RABGAP1L: variants seen among roughly 807,000 people sequenced by gnomAD.
The protein encoded by RABGAP1L is rab GTPase-activating protein 1-like.
In RABGAP1L, 63 loss-of-function variants were observed where a neutral mutation model predicts 137.7. The ratio of observed to expected loss-of-function variants is 0.46; its 90% confidence interval spans 0.37 to 0.56. The LOEUF (loss-of-function observed/expected upper bound fraction) is 0.56. RABGAP1L is among the 20% of genes least tolerant of loss of function. The pLI is 0.00. For synonymous variants in RABGAP1L, 431 were observed against 433.7 expected, an observed-to-expected ratio of 0.99 and a Z score of 0.08; for missense variants, 1,095 against 1,244.0, an observed-to-expected ratio of 0.88 and a Z score of 1.80.
At chr1:174,863,729 C>G (rs1219822589) in intron 19 of RABGAP1L, among the ~76,000 whole-genome samples, 8 of 151,436 alleles carry the variant, frequency 5.3e-5, no homozygotes, top group Admixed American at 2.0e-4. Flanking sequence ...CACCTGTAAT[C>G]CCAGCACTTT....
intron 19 of RABGAP1L, among the ~76,000 whole-genome samples, chr1:174,888,715 C>T (rs1655597218): frequency 6.6e-6 from 1 of 152,060 alleles, no homozygotes. Flanking sequence ...CCAGACTGGT[C>T]TCAAACTCCT....
Position 174,988,812 on chromosome 1 carries a change from T to G in RABGAP1L, c.2977T>G (p.Leu993Val). 1 of 1,539,846 alleles carries G rather than the reference T, an allele frequency of 6.5e-7. No individual in the cohort carries two copies. The highest frequency in any genetic ancestry group is 8.7e-7 in the Non-Finnish European group (1 of 1,143,688). Residue 993 changes from leucine to valine, a missense_variant, in exon 25 of 26, where the codon TTG becomes GTG. Physicochemically the swap from Leu to Val is conservative, Grantham distance 32. This residue lies in a region of RABGAP1L where 312 missense variants were observed against 435.6 expected (regional missense o/e 0.72). Coordinates refer to ENST00000681986, the MANE Select transcript of RABGAP1L (RefSeq NM_001366446.1). Reference sequence around the variant, plus strand: ...GGAACTGGCACAAACCAAACTGCAGTTGGTGGAGGCCAAGTGTAAAATTCA... The same window carrying G: ...GGAACTGGCACAAACCAAACTGCAGGTGGTGGAGGCCAAGTGTAAAATTCA... ...ELELAQTKLQ[L>V]VEAKCKIQEL...
At chr1:174,316,523 C>A (rs1679390316) in intron 11 of RABGAP1L, among the ~76,000 whole-genome samples, 2 of 152,180 alleles carry the variant, frequency 1.3e-5, no homozygotes, top group Admixed American at 1.3e-4. Flanking sequence ...TGGATAAGAT[C>A]TGGGAGAATT....
At chr1:174,616,678 G>T (rs1189030127) in intron 13 of RABGAP1L, among the ~76,000 whole-genome samples, 1 of 152,188 alleles carries the variant, frequency 6.6e-6, no homozygotes, top group Non-Finnish European at 1.5e-5. Context: ...GATGGGAGTG[G>T]AAGTTCACTC....
At chr1:174,404,593 T>C (rs1649040372) in intron 13 of RABGAP1L, among the ~76,000 whole-genome samples, 1 of 152,170 alleles carries the variant, frequency 6.6e-6, no homozygotes. Context: ...GTTGATGTAA[T>C]AAGGTTTTAA....
chr1:174,215,814 C>T (rs2148449725), intron 1 of RABGAP1L, among the ~76,000 whole-genome samples: 1 of 152,284 alleles, frequency 6.6e-6, no homozygotes, highest in East Asian at 1.9e-4. Context: ...ACCAATCCCA[C>T]TGCTAGGTAT....
chr1:174,397,013 A>G (rs932365210), intron 13 of RABGAP1L, among the ~76,000 whole-genome samples: 3 of 151,744 alleles, frequency 2.0e-5, no homozygotes, highest in African/African-American at 4.8e-5. Flanking sequence ...ATGGTTGCAC[A>G]TACCTGTAGT....
At chr1:174,444,901 C>G (rs1654572839) in intron 13 of RABGAP1L, among the ~76,000 whole-genome samples, 1 of 151,656 alleles carries the variant, frequency 6.6e-6, no homozygotes, top group African/African-American at 2.4e-5. Context: ...TTTTGTTGAT[C>G]TTTTTATGTT....
chr1:174,218,225 C>T (rs1316621002), intron 1 of RABGAP1L, among the ~76,000 whole-genome samples: 1 of 152,124 alleles, frequency 6.6e-6, no homozygotes, highest in Non-Finnish European at 1.5e-5. Flanking sequence ...GTCACATTAA[C>T]GTGTTTATTG....
intron 11 of RABGAP1L, among the ~76,000 whole-genome samples, chr1:174,342,797 A>G (rs1682089106): frequency 6.8e-6 from 1 of 147,982 alleles, no homozygotes; most frequent in Non-Finnish European, 1.5e-5. Context: ...GGAGTGCAGT[A>G]GTGCCCTCTC....
intron 21 of RABGAP1L, among the ~76,000 whole-genome samples, chr1:174,974,317 GTGCCTATC>G (rs1402323628): frequency 2.6e-5 from 4 of 152,122 alleles, no homozygotes; most frequent in Admixed American, 6.6e-5. Flanking sequence ...GTGCCACTCT[GTGCCTATC>G]TGTCAGAGAC....
intron 19 of RABGAP1L, among the ~76,000 whole-genome samples, chr1:174,956,837 C>T (rs989339009): frequency 7.3e-5 from 11 of 151,432 alleles, no homozygotes; most frequent in African/African-American, 2.7e-4. Context: ...TAGTAGAGAC[C>T]GGGTTTCACC....
chr1:174,793,948 C>T (rs952792280), intron 18 of RABGAP1L, among the ~76,000 whole-genome samples: 7 of 152,126 alleles, frequency 4.6e-5, no homozygotes, highest in African/African-American at 9.7e-5. Flanking sequence ...CCGCCCACCT[C>T]GGCCTCCCAA....
At chr1:174,650,228 C>T (rs560902203) in intron 14 of RABGAP1L, among the ~76,000 whole-genome samples, 33 of 152,186 alleles carry the variant, frequency 2.2e-4, no homozygotes, top group Non-Finnish European at 4.1e-4. Flanking sequence ...CCACTTGATT[C>T]GGTTTGCCAG....
intron 11 of RABGAP1L, among the ~76,000 whole-genome samples, chr1:174,311,187 C>T (rs1678808129): frequency 6.6e-6 from 1 of 151,948 alleles, no homozygotes; most frequent in Non-Finnish European, 1.5e-5. Flanking sequence ...GCTGGGGAGG[C>T]CTCAGGAAAT....
At chr1:174,406,211 G>C (rs1649253796) in intron 13 of RABGAP1L, among the ~76,000 whole-genome samples, 1 of 152,008 alleles carries the variant, frequency 6.6e-6, no homozygotes. Context: ...GTAATTATAT[G>C]TGAATTTGAG....
intron 8 of RABGAP1L, among the ~76,000 whole-genome samples, chr1:174,273,535 A>C (rs1486311270): frequency 1.3e-5 from 2 of 151,714 alleles, no homozygotes; most frequent in Non-Finnish European, 2.9e-5. Context: ...CTATTGATCT[A>C]TGTCTCTTAC....
At chr1:174,633,795 A>G (rs1351256262) in intron 13 of RABGAP1L, among the ~76,000 whole-genome samples, 1 of 140,058 alleles carries the variant, frequency 7.1e-6, no homozygotes, top group Non-Finnish European at 1.5e-5. Context: ...AGGATTCCCT[A>G]TTTAATAAAT....
rs1180742809 is a variant in RABGAP1L at position 174,499,231 on chromosome 1, A to C, written c.1710+105086A>C. ...TGATTAAATCTTTTACAGAACTTAG[A>C]AATTTAAGTTAAAAACACTTAAATT... On this transcript the variant is annotated intron_variant, in intron 13 of 25. Coordinates refer to ENST00000681986, the MANE Select transcript of RABGAP1L (RefSeq NM_001366446.1). Among the ~76,000 whole-genome samples the C allele has an allele frequency of 1.3e-5, 2 of 150,390 alleles. 1 individual carries two copies. The highest frequency in any genetic ancestry group is 4.2e-4 in the South Asian group (2 of 4,718).
Sources: gnomAD v4.1 joint callset for allele counts (sites outside exome capture counted in the v4.1 genomes callset) on GRCh38, gnomAD v4.1.1 for gene constraint, gnomAD v4.1.1 regional missense constraint, MANE v1.5 for transcripts, NCBI Gene and HGNC (gene_info 2026-07-23, HGNC 2026-07-21) for gene names.